Variants in PCSK5 observed in about 807,000 individuals in gnomAD.
PCSK5 encodes the protein proprotein convertase subtilisin/kexin type 5.
Under a neutral mutation model 233.2 loss-of-function variants are expected in PCSK5, and 129 were observed. The ratio of observed to expected loss-of-function variants is 0.55; its 90% CI spans 0.48 to 0.64. The LOEUF (loss-of-function observed/expected upper bound fraction) is 0.64, where lower values mean the gene tolerates loss of function less well. Ranked by LOEUF, PCSK5 falls within the 30% of genes least tolerant of loss-of-function variation. PCSK5 has a pLI of 0.00. For missense variants in PCSK5, 2,076 were observed against 2,430.1 expected, an observed-to-expected ratio of 0.85 and a Z score of 3.06; for synonymous variants, 825 against 879.2, an observed-to-expected ratio of 0.94 and a Z score of 1.09.
intron 8 of PCSK5, among the ~76,000 whole-genome samples, chr9:76,105,267 G>A (rs1316672981): frequency 6.6e-6 from 1 of 152,202 alleles, no homozygotes; most frequent in Non-Finnish European, 1.5e-5. Flanking sequence ...TGCTACATGA[G>A]ATAATCCTGT....
chr9:76,140,626 T>G (rs182527707), intron 10 of PCSK5, among the ~76,000 whole-genome samples: 1 of 152,176 alleles, frequency 6.6e-6, no homozygotes, highest in African/African-American at 2.4e-5. Flanking sequence ...ATAATAAAAT[T>G]ATTACTAATA....
At chr9:76,268,806 C>T (rs990610578) in intron 24 of PCSK5, among the ~76,000 whole-genome samples, 8 of 152,230 alleles carry the variant, frequency 5.3e-5, no homozygotes, top group African/African-American at 1.9e-4. Flanking sequence ...GACCGTCCCA[C>T]TGCACTCCAG....
At chr9:75,984,830 A>G (rs575701890) in intron 2 of PCSK5, among the ~76,000 whole-genome samples, 79 of 152,302 alleles carry the variant, frequency 5.2e-4, no homozygotes, top group African/African-American at 1.7e-3. Context: ...AAGAGGTTAA[A>G]TTGTTTCCTG....
At chr9:76,295,766 C>CT (rs1412204571) in intron 26 of PCSK5, among the ~76,000 whole-genome samples, 1 of 152,188 alleles carries the variant, frequency 6.6e-6, no homozygotes, top group Admixed American at 6.5e-5. Context: ...CTTAATCCAT[C>CT]TTATATATCC....
chr9:76,292,394 G>T, intron 25 of PCSK5, 119 bp downstream of exon 25: 1 of 703,162 alleles, frequency 1.4e-6, no homozygotes. Context: ...ACTCTGTCCT[G>T]TCAGGCTATT....
At chr9:75,968,406 G>A (rs1449042745) in intron 2 of PCSK5, among the ~76,000 whole-genome samples, 1 of 152,206 alleles carries the variant, frequency 6.6e-6, no homozygotes, top group African/African-American at 2.4e-5. Context: ...TCCGTTATCA[G>A]TCAAGTAATC....
At chr9:76,261,410 T>C (rs1192766989) in intron 24 of PCSK5, among the ~76,000 whole-genome samples, 1 of 152,034 alleles carries the variant, frequency 6.6e-6, no homozygotes, top group Non-Finnish European at 1.5e-5. Flanking sequence ...AACTGAAAAA[T>C]GACTCTGGTA....
intron 24 of PCSK5, among the ~76,000 whole-genome samples, chr9:76,245,313 T>A (rs1234672469): frequency 6.6e-6 from 1 of 152,076 alleles, no homozygotes; most frequent in Non-Finnish European, 1.5e-5. Flanking sequence ...ACTCTTGGGA[T>A]AAAACATATC....
intron 5 of PCSK5, among the ~76,000 whole-genome samples, chr9:76,035,761 C>T (rs1448028916): frequency 6.6e-6 from 1 of 151,966 alleles, no homozygotes; most frequent in Non-Finnish European, 1.5e-5. Flanking sequence ...TTTAATCTTC[C>T]CTTTTAACCT....
At chr9:76,116,820 A>G (rs943008551) in intron 9 of PCSK5, among the ~76,000 whole-genome samples, 1 of 152,166 alleles carries the variant, frequency 6.6e-6, no homozygotes, top group Admixed American at 6.6e-5. Flanking sequence ...CCATTCTACC[A>G]TATCACCTTT....
intron 33 of PCSK5, among the ~76,000 whole-genome samples, chr9:76,329,424 T>G (rs138368827): frequency 6.6e-6 from 1 of 151,914 alleles, no homozygotes; most frequent in Non-Finnish European, 1.5e-5. Context: ...TCTCCCAAAG[T>G]GCTGGGATTA....
chr9:76,129,212 A>G (rs1427478363), intron 9 of PCSK5, among the ~76,000 whole-genome samples: 1 of 152,076 alleles, frequency 6.6e-6, no homozygotes, highest in Non-Finnish European at 1.5e-5. Flanking sequence ...CAGTGACATT[A>G]ATTTTCTGAC....
chr9:76,286,034 C>T (rs1828052511), intron 24 of PCSK5, among the ~76,000 whole-genome samples: 1 of 152,148 alleles, frequency 6.6e-6, no homozygotes, highest in Non-Finnish European at 1.5e-5. Context: ...AGTTAAATCA[C>T]ACTTACACCA....
At chr9:76,338,130 C>A in intron 34 of PCSK5, 100 bp from the exon 35 acceptor site, 1 of 768,772 alleles carries the variant, frequency 1.3e-6, no homozygotes, top group South Asian at 1.6e-5. Context: ...AGGCTAAAGT[C>A]ACTCAGCTTG....
At chr9:75,968,092 C>A (rs375675407) in intron 2 of PCSK5, among the ~76,000 whole-genome samples, 1 of 152,212 alleles carries the variant, frequency 6.6e-6, no homozygotes. Flanking sequence ...TAACTGCCAG[C>A]AATTAATAAG....
At chr9:75,968,244 A>G (rs777122827) in intron 2 of PCSK5, among the ~76,000 whole-genome samples, 1 of 152,232 alleles carries the variant, frequency 6.6e-6, no homozygotes, top group Non-Finnish European at 1.5e-5. Flanking sequence ...GCAAGGAACA[A>G]CTGTGTCCAA....
At position 76,184,729 on chromosome 9, in the gene PCSK5, A is replaced by G; in HGVS notation, c.2254A>G (p.Asn752Asp). ...ENCKTCTEFHNCTECRDGLSL... is the reference protein window; with the variant it reads ...ENCKTCTEFHDCTECRDGLSL... Reference sequence around the variant, plus strand: ...CTGCAAGACATGTACTGAATTCCATAACTGTACAGAATGTAGGGATGGGTT... The same window carrying G: ...CTGCAAGACATGTACTGAATTCCATGACTGTACAGAATGTAGGGATGGGTT... Residue 752 changes from asparagine (N) to aspartate (D), a missense_variant, in exon 17 of 38, where the codon AAC (asparagine) becomes GAC (aspartate). By Grantham distance (23) the Asn-to-Asp change is conservative. Coordinates refer to ENST00000674117, the MANE Select transcript of PCSK5 (RefSeq NM_001372043.1). 6.2e-7 allele frequency: 1 copy of G among 1,607,912 alleles called. No homozygotes were observed. Among genetic ancestry groups the G allele is most frequent in the Non-Finnish European group, 8.5e-7 (1 of 1,174,688 alleles).
chr9:76,102,771 G>A (rs1831816373), intron 8 of PCSK5, among the ~76,000 whole-genome samples: 1 of 152,146 alleles, frequency 6.6e-6, no homozygotes, highest in African/African-American at 2.4e-5. Flanking sequence ...AGTTTTGTTT[G>A]GATGGTGGAA....
chr9:76,143,630 A>C (rs1258142964), intron 10 of PCSK5, among the ~76,000 whole-genome samples: 1 of 152,064 alleles, frequency 6.6e-6, no homozygotes, highest in Non-Finnish European at 1.5e-5. Context: ...TGACCTTAAG[A>C]CTGAGACATT....
Sources: gnomAD v4.1 joint callset for allele counts (sites outside exome capture counted in the v4.1 genomes callset) on GRCh38, gnomAD v4.1.1 for gene constraint, MANE v1.5 for transcripts, NCBI Gene and HGNC (gene_info 2026-07-23, HGNC 2026-07-21) for gene names.